Variants in RFC1 observed in about 807,000 individuals in gnomAD.
RFC1 encodes the protein A1 140 kDa subunit.
RFC1 carries 37 observed loss-of-function variants against 137.4 expected under a neutral mutation model. That is an observed-to-expected ratio of 0.27 (90% CI 0.21 to 0.35). The LOEUF (loss-of-function observed/expected upper bound fraction) is 0.35, where lower values mean the gene tolerates loss of function less well. Ranked by LOEUF, RFC1 falls within the 10% of genes least tolerant of loss-of-function variation. RFC1 has a pLI of 1.00. For synonymous variants in RFC1, 429 were observed against 455.7 expected (o/e 0.94, Z 0.75); for missense variants, 1,205 against 1,358.5 (o/e 0.89, Z 1.78).
chr4:39,303,283 CAG>C (rs762164659), intron 15 of RFC1, 132 bp from the exon 16 acceptor site: 33 of 557,402 alleles, frequency 5.9e-5, no homozygotes, highest in Non-Finnish European at 1.0e-4. Flanking sequence ...CACTGGACTA[CAG>C]AGTGTTGTTA....
chr4:39,336,667 A>G (rs1740368734), intron 4 of RFC1, among the ~76,000 whole-genome samples: 2 of 152,276 alleles, frequency 1.3e-5, no homozygotes, highest in South Asian at 4.1e-4. Flanking sequence ...ATGCCGTAGC[A>G]TCCCCTAGTT....
At chr4:39,319,964 C>T (rs1464192567) in intron 9 of RFC1, among the ~76,000 whole-genome samples, 1 of 152,094 alleles carries the variant, frequency 6.6e-6, no homozygotes, top group African/African-American at 2.4e-5. Flanking sequence ...TGGAATTTTC[C>T]ATTTAATACT....
At chr4:39,288,970 T>C in intron 24 of RFC1, 126 bp from the exon 25 acceptor site, 1 of 691,176 alleles carries the variant, frequency 1.4e-6, no homozygotes, top group South Asian at 1.8e-5. Context: ...GCTGCAAACA[T>C]CGAGATCTTG....
intron 4 of RFC1, among the ~76,000 whole-genome samples, chr4:39,333,260 TGA>T (rs1272696599): frequency 2.6e-5 from 4 of 152,306 alleles, no homozygotes; most frequent in East Asian, 1.9e-4. Flanking sequence ...AAAAATGTGA[TGA>T]GTTTGTACTA....
intron 4 of RFC1, among the ~76,000 whole-genome samples, chr4:39,341,866 T>C (rs893546245): frequency 1.3e-5 from 2 of 152,202 alleles, no homozygotes; most frequent in Admixed American, 6.5e-5. Context: ...TTAAAACAGA[T>C]GTAACAGAAC....
At chr4:39,360,230 G>C (rs1435423420) in intron 1 of RFC1, among the ~76,000 whole-genome samples, 1 of 151,822 alleles carries the variant, frequency 6.6e-6, no homozygotes, top group African/African-American at 2.4e-5. Context: ...GCCAGGTGCG[G>C]TGGCTCACCC....
intron 4 of RFC1, among the ~76,000 whole-genome samples, chr4:39,334,868 G>A (rs913567399): frequency 1.3e-5 from 2 of 152,138 alleles, no homozygotes; most frequent in African/African-American, 4.8e-5. Context: ...CACAGCAGAG[G>A]AATTGCCTGG....
At chr4:39,300,481 T>C in intron 19 of RFC1, 67 bp from the exon 20 acceptor site, 1 of 1,145,740 alleles carries the variant, frequency 8.7e-7, no homozygotes, top group Non-Finnish European at 1.3e-6. Context: ...CACCAAATGC[T>C]AACGAGGATA....
intron 24 of RFC1, chr4:39,289,643 TTTC>T: frequency 1.9e-6 from 1 of 522,240 alleles, no homozygotes. Context: ...CATGGCCTGT[TTTC>T]TTGCTGTTTG....
intron 21 of RFC1, chr4:39,295,986 C>T (rs1278522233): frequency 2.8e-6 from 1 of 359,686 alleles, no homozygotes; most frequent in African/African-American, 2.1e-5. Context: ...TGTTATGGCC[C>T]TCAGGGAGAT....
intron 22 of RFC1, 105 bp downstream of exon 22, chr4:39,295,509 A>T: frequency 1.0e-6 from 1 of 962,914 alleles, no homozygotes; most frequent in Non-Finnish European, 1.5e-6. Flanking sequence ...GTTACCAATA[A>T]AATAAAAACT....
chr4:39,365,988 G>A (rs1560631084), intron 1 of RFC1, among the ~76,000 whole-genome samples: 2 of 152,184 alleles, frequency 1.3e-5, no homozygotes, highest in Non-Finnish European at 2.9e-5. Context: ...AGAGTGGGGG[G>A]CGGGGGGAAA....
chr4:39,351,116 TGGCG>T (rs1255742985), intron 2 of RFC1, among the ~76,000 whole-genome samples: 2 of 151,964 alleles, frequency 1.3e-5, no homozygotes, highest in East Asian at 3.9e-4. Context: ...CTGGGTGTGG[TGGCG>T]GGCGCCTGTA....
intron 2 of RFC1, among the ~76,000 whole-genome samples, chr4:39,350,206 T>C (rs1741115489): frequency 6.6e-6 from 1 of 151,248 alleles, no homozygotes; most frequent in Non-Finnish European, 1.5e-5. Context: ...AAGTACTCAA[T>C]CTGAAAAAAA....
chr4:39,331,222 T>C (rs570971034), intron 4 of RFC1, among the ~76,000 whole-genome samples: 2 of 152,304 alleles, frequency 1.3e-5, no homozygotes, highest in Admixed American at 1.3e-4. Context: ...TTTTATAATG[T>C]TTATTTGCTT....
At chr4:39,331,618 T>A (rs1249268169) in intron 4 of RFC1, among the ~76,000 whole-genome samples, 1 of 152,170 alleles carries the variant, frequency 6.6e-6, no homozygotes. Context: ...TACTCAACCA[T>A]GTAACAAAAT....
In RFC1 at chr4:39,320,507, C is replaced by G; in HGVS notation, c.971G>C (p.Arg324Thr). The G allele has an allele frequency of 6.2e-7, 1 of 1,611,302 alleles. No individual in the cohort carries two copies. Among genetic ancestry groups the G allele is most frequent in the Non-Finnish European group, 8.5e-7 (1 of 1,179,366 alleles). The change falls in exon 9 of 25, where the codon AGA becomes ACA. Residue 324 changes from arginine to threonine, a missense_variant. By Grantham distance (71) the Arg-to-Thr change is moderately conservative. Coordinates refer to ENST00000349703, the MANE Select transcript of RFC1 (RefSeq NM_002913.5). ...KASSKLAIMK[R>T]KEESSYKEIE... ...TTCTTTATAAGAGCTCTCTTCTTTTCTTTTCATAATTGCCAGCTTAGAACT... is the reference window on the plus strand; with the variant it reads ...TTCTTTATAAGAGCTCTCTTCTTTTGTTTTCATAATTGCCAGCTTAGAACT...
At position 39,342,478 on chromosome 4, in the gene RFC1, G is replaced by C; in HGVS notation, c.209-11C>G. 1.9e-6 allele frequency: 3 copies of C among 1,608,808 alleles called. No individual in the cohort carries two copies. The highest frequency in any genetic ancestry group is 2.5e-6 in the Non-Finnish European group (3 of 1,177,470). On this transcript the variant is annotated splice_polypyrimidine_tract_variant and intron_variant, in intron 3 of 24. Transcript: ENST00000349703. ...CCTCTGACTCTGAATCTGTATGTGA[G>C]AGAAAAATAAAACAAAACTTTGAAA... is the stretch of plus-strand genomic sequence containing the variant.
intron 10 of RFC1, among the ~76,000 whole-genome samples, chr4:39,315,929 C>G (rs17288314): frequency 6.6e-6 from 1 of 152,170 alleles, no homozygotes; most frequent in South Asian, 2.1e-4. Context: ...TGTTATCCCT[C>G]CACTTTAAAA....
Sources: allele counts gnomAD v4.1 joint callset (sites outside exome capture counted in the v4.1 genomes callset), GRCh38; gene constraint gnomAD v4.1.1; transcripts MANE v1.5; gene names NCBI Gene and HGNC (gene_info 2026-07-23, HGNC 2026-07-21).